Variants in ENTR1 observed in about 807,000 individuals in gnomAD.
ENTR1 encodes endosome associated trafficking regulator 1.
In ENTR1, 47 loss-of-function variants were observed where a neutral mutation model predicts 47.9. That is an observed-to-expected ratio of 0.98 (90% CI 0.78 to 1.25). ENTR1 has a LOEUF of 1.25. ENTR1 is among the 50% of genes most tolerant of loss of function. ENTR1 has a pLI of 0.00. For synonymous variants in ENTR1, 290 were observed against 245.8 expected (o/e 1.18, Z -1.68); for missense variants, 668 against 570.5 (o/e 1.17, Z -1.74).
At chr9:136,403,979 C>G (rs570521942) in intron 9 of ENTR1, 76 bp downstream of exon 9, 1 of 1,472,330 alleles carries the variant, frequency 6.8e-7, no homozygotes, top group East Asian at 2.4e-5. Flanking sequence ...CCTGGGCCCC[C>G]ACCCAGGATC....
At chr9:136,404,281 T>TG in intron 8 of ENTR1, 87 bp from the exon 9 acceptor site, 1 of 1,514,900 alleles carries the variant, frequency 6.6e-7, no homozygotes, top group Non-Finnish European at 8.9e-7. Context: ...GGCTTACCCG[T>TG]GGGGGCCTGG....
At chr9:136,404,741 AC>A in intron 7 of ENTR1, 48 bp from the exon 8 acceptor site, 1 of 1,596,660 alleles carries the variant, frequency 6.3e-7, no homozygotes, top group Non-Finnish European at 8.6e-7. Context: ...TGATGTCCTC[AC>A]ATTCATACCG....
chr9:136,408,031 A>G, intron 3 of ENTR1, 93 bp from the exon 4 acceptor site: 1 of 798,962 alleles, frequency 1.3e-6, no homozygotes. Flanking sequence ...GCATGGCCAC[A>G]TGTGAGATCG....
rs4506343 is a variant in ENTR1 at position 136,410,479 on chromosome 9, G to C, written c.-82C>G. 1.3e-5 allele frequency: 13 copies of C among 976,018 alleles called. No homozygotes were observed. The highest frequency in any genetic ancestry group is 1.5e-5 in the Non-Finnish European group (12 of 809,918). 60.5% of individuals were successfully genotyped at this position (976,018 alleles called of 1,614,324 possible). A position where few individuals can be genotyped will look rare whatever the true frequency, so the allele number is the denominator to read the frequency against. ...CCCGGCTCCGCCCGTGCCGCGGCCC[G>C]CGTCGCCCGCCCCCGTCGCCCGCCC... On this transcript the variant is annotated 5_prime_UTR_variant, in exon 1 of 10. Transcript: ENST00000357365.
intron 6 of ENTR1, 126 bp downstream of exon 6, chr9:136,405,779 G>A (rs1444638185): frequency 1.0e-5 from 6 of 588,390 alleles, no homozygotes; most frequent in African/African-American, 3.8e-5. Context: ...TGTGTTTGAT[G>A]CTGAACATTT....
chr9:136,410,067 G>A (rs1296832288), intron 2 of ENTR1, 23 bp downstream of exon 2: 4 of 1,612,396 alleles, frequency 2.5e-6, no homozygotes, highest in Admixed American at 1.7e-5. Flanking sequence ...AGCGTCCCCG[G>A]GGCCGGCGCC....
chr9:136,410,054 G>A (rs1294768596), intron 2 of ENTR1, 36 bp downstream of exon 2: 1 of 1,611,388 alleles, frequency 6.2e-7, no homozygotes, highest in African/African-American at 1.3e-5. Context: ...CGCGGGAACT[G>A]GAAGCGTCCC....
At position 136,410,538 on chromosome 9, in the gene ENTR1, C is replaced by A; in HGVS notation, c.-141G>T. The stretch of plus-strand genomic sequence containing the variant: ...CGCCGCTCGGCCGCCCCCGCGCCTC[C>A]GAGCCTCTCGCCGCTGCTTCCGCTC... On this transcript the variant is annotated 5_prime_UTR_variant, in exon 1 of 10. Transcript: ENST00000357365. The A allele has an allele frequency of 9.2e-7, 1 of 1,088,554 alleles. No individual in the cohort carries two copies. The highest frequency in any genetic ancestry group is 1.2e-6 in the Non-Finnish European group (1 of 866,630). 67.4% of individuals were successfully genotyped at this position (1,088,554 alleles called of 1,614,324 possible).
rs773999579 is a variant in ENTR1 at position 136,407,540 on chromosome 9, C to T, written c.424G>A (p.Gly142Arg). 33 of 1,588,616 alleles carry T rather than the reference C, an allele frequency of 2.1e-5. No homozygotes were observed. The highest frequency in any genetic ancestry group is 2.8e-5 in the Non-Finnish European group (33 of 1,170,500). Reference sequence around the variant, plus strand: ...GAGGGTGGGGAGTTGTGGTCAAGTCCCAGGGAATGCCTCGAGGCTTCCTAA... The same window carrying T: ...GAGGGTGGGGAGTTGTGGTCAAGTCTCAGGGAATGCCTCGAGGCTTCCTAA... The part of the protein sequence containing the change: ...YAKEASRHSL[G>R]LDHNSPPSQT... Residue 142 changes from glycine (G) to arginine (R), a missense_variant, in exon 5 of 10, where the codon GGA (glycine) becomes AGA (arginine). Gly to Arg is a moderately radical substitution (Grantham distance 125, BLOSUM62 -2). Transcript: ENST00000357365.
At chr9:136,403,374 G>GA (rs1278095818) in intron 9 of ENTR1, among the ~76,000 whole-genome samples, 8 of 101,376 alleles carry the variant, frequency 7.9e-5, no homozygotes, top group Admixed American at 3.1e-4. Flanking sequence ...TTTGCCGGGG[G>GA]AGAAAGGGAC....
At position 136,402,519 on chromosome 9, in the gene ENTR1, G is replaced by A. The variant is rs1047182754; in HGVS notation, c.*269C>T. 5.8e-5 allele frequency: 19 copies of A among 326,964 alleles called. No homozygotes were observed. Among genetic ancestry groups the A allele is most frequent in the Non-Finnish European group, 1.7e-5 (3 of 180,036 alleles). 20.3% of individuals were successfully genotyped at this position (326,964 alleles called of 1,614,324 possible). On this transcript the variant is annotated 3_prime_UTR_variant, in exon 10 of 10. Transcript: ENST00000357365. ...TTTTCTTAAAATCACTGGCTTTTATGACAATGTCTTCCAAGAGCTCATTAG... is the reference window on the plus strand; with the variant it reads ...TTTTCTTAAAATCACTGGCTTTTATAACAATGTCTTCCAAGAGCTCATTAG...
rs977158035 is a variant in ENTR1 at position 136,402,346 on chromosome 9, G to A, written c.*442C>T. 7 of 155,766 alleles carry A rather than the reference G, an allele frequency of 4.5e-5. No individual in the cohort carries two copies. Among genetic ancestry groups the A allele is most frequent in the Non-Finnish European group, 8.5e-5 (6 of 70,484 alleles). 9.6% of individuals were successfully genotyped at this position (155,766 alleles called of 1,614,324 possible). ...GCCAGAGGGAGCCCTGAGCATCGGC[G>A]GAAGGCACAGGTCCCTGCCCGGGGT... On this transcript the variant is annotated 3_prime_UTR_variant, in exon 10 of 10. Transcript: ENST00000357365.
At chr9:136,407,587 A>T in intron 4 of ENTR1, 26 bp from the exon 5 acceptor site, 1 of 1,511,718 alleles carries the variant, frequency 6.6e-7, no homozygotes, top group Non-Finnish European at 8.8e-7. Flanking sequence ...AAAAAAAAAC[A>T]ATGGAGGCCA....
rs1426433642 is a variant in ENTR1 at position 136,410,194 on chromosome 9, C to CA, written c.115dup (p.Cys39LeufsTer2). ...CAGGTCCCTGCCATGGGGGCGCTCA[C>CA]AATTTAGCTGGGGGAGACAAGACCG... is the stretch of plus-strand genomic sequence containing the variant. On this transcript the variant is annotated frameshift_variant, in exon 2 of 10. Coordinates refer to ENST00000357365, the MANE Select transcript of ENTR1 (RefSeq NM_001039707.2). LOFTEE classifies it high-confidence loss of function. The CA allele has an allele frequency of 6.2e-7, 1 of 1,604,118 alleles. No homozygotes were observed. Among genetic ancestry groups the CA allele is most frequent in the Non-Finnish European group, 8.5e-7 (1 of 1,176,350 alleles).
chr9:136,410,545 C>T lies in ENTR1; in HGVS notation c.-148G>A. The T allele has an allele frequency of 1.8e-6, 2 of 1,116,950 alleles. No homozygotes were observed. Among genetic ancestry groups the T allele is most frequent in the Non-Finnish European group, 2.3e-6 (2 of 888,020 alleles). 69.2% of individuals were successfully genotyped at this position (1,116,950 alleles called of 1,614,324 possible). On this transcript the variant is annotated 5_prime_UTR_variant, in exon 1 of 10. Transcript: ENST00000357365. ...CGGCCGCCCCCGCGCCTCCGAGCCT[C>T]TCGCCGCTGCTTCCGCTCCGAGCAC...
chr9:136,410,321 C>T lies in ENTR1; in HGVS notation c.70+7G>A, dbSNP rs1358049335. Reference sequence around the variant, plus strand: ...GGACCGCTGGACTCGGCCCCTGCCCCGCTCACCGTCGGGAATGGCGAGGCT... The same window carrying T: ...GGACCGCTGGACTCGGCCCCTGCCCTGCTCACCGTCGGGAATGGCGAGGCT... On this transcript the variant is annotated splice_region_variant and intron_variant, in intron 1 of 9. Transcript: ENST00000357365. 3 of 1,547,806 alleles carry T rather than the reference C, an allele frequency of 1.9e-6. No individual in the cohort carries two copies. The highest frequency in any genetic ancestry group is 1.7e-6 in the Non-Finnish European group (2 of 1,146,188).
chr9:136,405,148 G>A lies in ENTR1; in HGVS notation c.948C>T (p.Asp316=), dbSNP rs1484934190. ...LEAKMIKEES[D]YHDLESVVQQ... ...GAACCACCGACTCCAGGTCGTGGTAGTCGCTTTCCTCCTTGATCATTTTTG... is the reference window on the plus strand; with the variant it reads ...GAACCACCGACTCCAGGTCGTGGTAATCGCTTTCCTCCTTGATCATTTTTG... Residue 316 remains aspartate (D), a synonymous_variant, in exon 7 of 10, where the codon GAC becomes GAT. Transcript: ENST00000357365. 3 of 1,614,036 alleles carry A rather than the reference G, an allele frequency of 1.9e-6. No homozygotes were observed. The Admixed American group carries it at 5.0e-5, about 27-fold the overall frequency.
chr9:136,408,119 C>T (rs1228430754), intron 3 of ENTR1, among the ~76,000 whole-genome samples, 181 bp from the exon 4 acceptor site: 2 of 152,228 alleles, frequency 1.3e-5, no homozygotes, highest in Non-Finnish European at 2.9e-5. Context: ...GGCAGTGACA[C>T]AGACGTGCGT....
At chr9:136,404,021 C>A in intron 9 of ENTR1, 34 bp downstream of exon 9, 1 of 1,554,884 alleles carries the variant, frequency 6.4e-7, no homozygotes, top group Non-Finnish European at 8.7e-7. Flanking sequence ...ACCCCTTTCC[C>A]CGCCAGGCTT....
Sources: allele counts gnomAD v4.1 joint callset (sites outside exome capture counted in the v4.1 genomes callset), GRCh38; gene constraint gnomAD v4.1.1; transcripts MANE v1.5; gene names NCBI Gene and HGNC (gene_info 2026-07-23, HGNC 2026-07-21).